ACYP2: variants seen among roughly 807,000 people sequenced by gnomAD.
ACYP2 encodes the protein acylphosphatase 2.
Under a neutral mutation model 11.2 loss-of-function variants are expected in ACYP2, and 12 were observed. The observed-to-expected ratio is 1.08, with a 90% CI of 0.69 to 1.74. The LOEUF (loss-of-function observed/expected upper bound fraction) is 1.74. Among genes scored for constraint, ACYP2 ranks in the 40% most tolerant of loss-of-function variants. The pLI, the probability that ACYP2 is intolerant of heterozygous loss-of-function variation, is 0.00. For missense variants in ACYP2, 134 were observed against 101.9 expected, an observed-to-expected ratio of 1.31 and a Z score of -1.35; for synonymous variants, 43 against 32.2, an observed-to-expected ratio of 1.33 and a Z score of -1.13.
chr2:54,256,017 C>T, intron 6 of ACYP2: 1 of 1,614,190 alleles, frequency 6.2e-7, no homozygotes, highest in Non-Finnish European at 8.5e-7. Flanking sequence ...ACACGATTGG[C>T]TCCAAGCGGC....
intron 2 of ACYP2, among the ~76,000 whole-genome samples, chr2:53,994,512 CAGAAAAAA>C (rs1200026780): frequency 3.3e-5 from 1 of 30,502 alleles, no homozygotes; most frequent in South Asian, 1.6e-3. Context: ...GAGTAAGACT[CAGAAAAAA>C]AAAAAAAAAA....
chr2:53,973,907 A>G (rs867797516), intron 2 of ACYP2: 7 of 41,192 alleles, frequency 1.7e-4, no homozygotes, highest in East Asian at 7.5e-4. Flanking sequence ...GTGTGTATAT[A>G]TTTTTTTTTT....
chr2:54,201,660 TTCTTTCTTTCTTTCTTTCTTTCTC>T lies in ACYP2; in HGVS notation c.404+62916_404+62939del, dbSNP rs1558609015. 5.9e-3 allele frequency among the ~76,000 whole-genome samples: 556 copies of T among 93,914 alleles called. 7 individuals carry two copies. Among genetic ancestry groups the T allele is most frequent in the African/African-American group, 0.02 (523 of 25,790 alleles). The allele number at this position is 93,914 out of a possible 152,430, so 61.6% of individuals were successfully genotyped here. A position where few individuals can be genotyped will look rare whatever the true frequency, so the allele number is the denominator to read the frequency against. ...TCTCTTTCTTTCTTTCTTTCTTTCT[TTCTTTCTTTCTTTCTTTCTTTCTC>T]TCTCTCTCTCTCTCTTTTTTCTTTT... On this transcript the variant is annotated intron_variant, in intron 6 of 6. Coordinates refer to ENST00000607452, the MANE Select transcript of ACYP2 (RefSeq NM_001320586.2).
intron 3 of ACYP2, among the ~76,000 whole-genome samples, chr2:54,055,770 G>C (rs2103623217): frequency 6.6e-6 from 1 of 152,336 alleles, no homozygotes; most frequent in Middle Eastern, 3.4e-3. Context: ...TTGGCAGAGA[G>C]AACAATGCAT....
At chr2:54,294,707 T>C (rs1216130782) in intron 6 of ACYP2, among the ~76,000 whole-genome samples, 1 of 151,906 alleles carries the variant, frequency 6.6e-6, no homozygotes, top group Non-Finnish European at 1.5e-5. Flanking sequence ...GGCCAGGAGT[T>C]TGAGACCAGC....
intron 6 of ACYP2, among the ~76,000 whole-genome samples, chr2:54,294,167 T>C (rs1225945264): frequency 6.6e-6 from 1 of 152,234 alleles, no homozygotes; most frequent in Non-Finnish European, 1.5e-5. Context: ...CTATGAATTA[T>C]TGATAGTGTT....
intron 4 of ACYP2, among the ~76,000 whole-genome samples, chr2:54,090,254 C>T (rs913373470): frequency 1.3e-5 from 2 of 152,174 alleles, no homozygotes; most frequent in Non-Finnish European, 1.5e-5. Context: ...ATTCTGCTCT[C>T]ACCCTGCCTT....
chr2:54,255,114 G>C, intron 6 of ACYP2: 1 of 1,614,168 alleles, frequency 6.2e-7, no homozygotes, highest in South Asian at 1.1e-5. Context: ...AGCTGCAGAT[G>C]ACATGTCGGT....
intron 6 of ACYP2, among the ~76,000 whole-genome samples, chr2:54,301,286 A>G (rs1026819495): frequency 3.9e-5 from 6 of 152,308 alleles, no homozygotes; most frequent in Non-Finnish European, 8.8e-5. Flanking sequence ...GATTTGGGGA[A>G]AAAAACCAAA....
intron 6 of ACYP2, among the ~76,000 whole-genome samples, chr2:54,247,814 CTT>C (rs1219720768): frequency 2.0e-5 from 3 of 152,128 alleles, no homozygotes; most frequent in African/African-American, 7.2e-5. Context: ...GTCAGATAGA[CTT>C]GGGTTAGAAT....
chr2:54,022,844 G>A (rs552965604), intron 2 of ACYP2, among the ~76,000 whole-genome samples: 3 of 152,246 alleles, frequency 2.0e-5, no homozygotes, highest in Admixed American at 6.5e-5. Context: ...GAATCCGAAT[G>A]GACAGGCCTT....
At chr2:54,264,736 T>C (rs1687941423) in intron 6 of ACYP2, among the ~76,000 whole-genome samples, 1 of 152,226 alleles carries the variant, frequency 6.6e-6, no homozygotes, top group African/African-American at 2.4e-5. Flanking sequence ...TTCAACAAGA[T>C]ACATGATCCT....
intron 6 of ACYP2, among the ~76,000 whole-genome samples, chr2:54,225,322 T>C (rs867311606): frequency 2.6e-5 from 4 of 152,202 alleles, no homozygotes; most frequent in Non-Finnish European, 5.9e-5. Flanking sequence ...GGCATGTTTT[T>C]TCCATCATTA....
intron 4 of ACYP2, among the ~76,000 whole-genome samples, chr2:54,124,914 C>T (rs1330034187): frequency 3.3e-5 from 5 of 151,990 alleles, no homozygotes; most frequent in Non-Finnish European, 5.9e-5. Context: ...TGCCCAGCTA[C>T]GTTTTGTATT....
chr2:54,267,491 TA>T, intron 6 of ACYP2: 1 of 794,118 alleles, frequency 1.3e-6, no homozygotes, highest in Non-Finnish European at 1.9e-6. Flanking sequence ...TAGATGAATT[TA>T]ATTATTTGGG....
At chr2:54,135,766 C>A (rs956498508) in intron 5 of ACYP2, among the ~76,000 whole-genome samples, 2 of 152,170 alleles carry the variant, frequency 1.3e-5, no homozygotes, top group African/African-American at 4.8e-5. Context: ...ATGGGACTTT[C>A]TACATGTTCT....
At chr2:54,257,611 A>T (rs1282098999) in intron 6 of ACYP2, among the ~76,000 whole-genome samples, 2 of 152,240 alleles carry the variant, frequency 1.3e-5, no homozygotes, top group Non-Finnish European at 2.9e-5. Context: ...AGGTAATAAT[A>T]AACAGGAGAA....
intron 4 of ACYP2, among the ~76,000 whole-genome samples, chr2:54,133,284 G>T (rs1006947871): frequency 6.6e-6 from 1 of 152,160 alleles, no homozygotes; most frequent in African/African-American, 2.4e-5. Flanking sequence ...TGATTCATAC[G>T]TGTTGTTGCT....
At chr2:53,979,613 G>C (rs776539613) in intron 2 of ACYP2, among the ~76,000 whole-genome samples, 1 of 150,142 alleles carries the variant, frequency 6.7e-6, no homozygotes, top group East Asian at 2.0e-4. Context: ...GCAACAGAGT[G>C]AGACTCTGTC....
Sources: gnomAD v4.1 joint callset for allele counts (sites outside exome capture counted in the v4.1 genomes callset) on GRCh38, gnomAD v4.1.1 for gene constraint, MANE v1.5 for transcripts, NCBI Gene and HGNC (gene_info 2026-07-23, HGNC 2026-07-21) for gene names.